Variants in FBLN1 observed in about 807,000 individuals in gnomAD.
The protein encoded by FBLN1 is fibulin 1.
FBLN1 carries 34 observed loss-of-function variants against 89.7 expected under a neutral mutation model. The ratio of observed to expected loss-of-function variants is 0.38; its 90% CI spans 0.29 to 0.50. The LOEUF is 0.50. Ranked by LOEUF, FBLN1 falls within the 20% of genes least tolerant of loss-of-function variation. The probability of loss-of-function intolerance (pLI) is 0.92; values close to 1 mark genes in which losing one functional copy is unlikely to be tolerated. For missense variants in FBLN1, 777 were observed against 988.1 expected, an observed-to-expected ratio of 0.79 and a Z score of 2.86; for synonymous variants, 393 against 391.3, an observed-to-expected ratio of 1.00 and a Z score of -0.05.
intron 2 of FBLN1, among the ~76,000 whole-genome samples, chr22:45,522,226 A>G (rs991417137): frequency 2.6e-5 from 4 of 152,134 alleles, no homozygotes; most frequent in Non-Finnish European, 5.9e-5. Flanking sequence ...GCTTCAAGTG[A>G]TTGGACGCCT....
In FBLN1 at chr22:45,591,067, G is replaced by A. The variant is rs545082341; in HGVS notation, c.1973-9240G>A. Among the ~76,000 whole-genome samples, 10 of 152,264 alleles carry A rather than the reference G, an allele frequency of 6.6e-5. No individual in the cohort carries two copies. The South Asian group carries it at 8.3e-4, about 13-fold the overall frequency. ...ACAAGTTCACTTCTCCTAAAAGGAG[G>A]TGCCTCAGACAGCAGATCCTTCCAG... On this transcript the variant is annotated intron_variant, in intron 16 of 16. Transcript: ENST00000327858.
intron 8 of FBLN1, among the ~76,000 whole-genome samples, chr22:45,539,878 G>A (rs1043533091): frequency 1.4e-4 from 21 of 152,202 alleles, no homozygotes; most frequent in Admixed American, 6.5e-5. Context: ...GGAACCTGCA[G>A]CGCCAGTGGG....
Position 45,550,760 on chromosome 22 carries a change from C to A in FBLN1, c.1697+145C>A, listed in dbSNP as rs2088691878. ...CACTCAAAGATCACCTGATCCCTGG[C>A]CCTCAAGCCCCTAAATGCTAGTGAC... On this transcript the variant is annotated intron_variant, in intron 14 of 16. Transcript: ENST00000327858. This position sits in a 1 kb window ranked among gnomAD's most constrained non-coding sequence, Gnocchi z 8.4. 1 of 1,155,180 alleles carries A rather than the reference C, an allele frequency of 8.7e-7. No individual in the cohort carries two copies. Among genetic ancestry groups the A allele is most frequent in the East Asian group, 2.4e-5 (1 of 42,418 alleles). The allele number at this position is 1,155,180 out of a possible 1,614,324, so 71.6% of individuals were successfully genotyped here.
chr22:45,525,202 A>C (rs2088308321), intron 2 of FBLN1, among the ~76,000 whole-genome samples: 1 of 96,562 alleles, frequency 1.0e-5, no homozygotes, highest in South Asian at 5.5e-4. Flanking sequence ...AGAGAAAGAG[A>C]GAAAGAAAGA....
chr22:45,515,054 T>C (rs927159994), intron 1 of FBLN1, among the ~76,000 whole-genome samples: 3 of 152,168 alleles, frequency 2.0e-5, no homozygotes, highest in Non-Finnish European at 2.9e-5. Flanking sequence ...TTAATTCCAT[T>C]TGGAGCCCAG....
intron 16 of FBLN1, among the ~76,000 whole-genome samples, chr22:45,589,105 A>G (rs1280766936): frequency 6.8e-6 from 1 of 146,560 alleles, no homozygotes; most frequent in Admixed American, 6.8e-5. Context: ...TAAAAAATAT[A>G]TAAAAATATT....
Position 45,531,208 on chromosome 22 carries a change from T to G in FBLN1, c.485-57T>G. On this transcript the variant is annotated intron_variant, in intron 4 of 16. Coordinates refer to ENST00000327858, the MANE Select transcript of FBLN1 (RefSeq NM_006486.3). This position sits in a 1 kb window ranked among gnomAD's most constrained non-coding sequence, Gnocchi z 4.9. Reference sequence around the variant, plus strand: ...AAGAAGAGAGAATGTTGGGAGTTTCTTTTAAGATAAGATGGGTGTTTGGAT... The same window carrying G: ...AAGAAGAGAGAATGTTGGGAGTTTCGTTTAAGATAAGATGGGTGTTTGGAT... 6.6e-7 allele frequency: 1 copy of G among 1,509,184 alleles called. No homozygotes were observed. Among genetic ancestry groups the G allele is most frequent in the South Asian group, 1.1e-5 (1 of 88,906 alleles). The allele number at this position is 1,509,184 out of a possible 1,614,324, so 93.5% of individuals were successfully genotyped here. A position where few individuals can be genotyped will look rare whatever the true frequency, so the allele number is the denominator to read the frequency against.
Position 45,576,837 on chromosome 22 carries a change from C to A in FBLN1, c.1841-140C>A. The A allele has an allele frequency of 1.0e-6, 1 of 979,284 alleles. No homozygotes were observed. The highest frequency in any genetic ancestry group is 1.6e-6 in the Non-Finnish European group (1 of 638,960). 60.7% of individuals were successfully genotyped at this position (979,284 alleles called of 1,614,324 possible). A position where few individuals can be genotyped will look rare whatever the true frequency, so the allele number is the denominator to read the frequency against. Reference sequence around the variant, plus strand: ...CCTCCACCCTCCCCACACAGGGGATCTCTGGCTTCATTGATGTTGTCTCAT... The same window carrying A: ...CCTCCACCCTCCCCACACAGGGGATATCTGGCTTCATTGATGTTGTCTCAT... On this transcript the variant is annotated intron_variant, in intron 15 of 16. Coordinates refer to ENST00000327858, the MANE Select transcript of FBLN1 (RefSeq NM_006486.3). The surrounding 1 kb of genome is among the most constrained non-coding windows in gnomAD (Gnocchi z 5.2).
intron 1 of FBLN1, among the ~76,000 whole-genome samples, chr22:45,509,246 C>T (rs2088066335): frequency 6.6e-6 from 1 of 152,172 alleles, no homozygotes; most frequent in African/African-American, 2.4e-5. Context: ...GGATGCCCCT[C>T]TGTGCACTGG....
At position 45,548,639 on chromosome 22, in the gene FBLN1, G is replaced by A. The variant is rs145539977; in HGVS notation, c.1468G>A (p.Gly490Arg). 2.6e-5 allele frequency: 42 copies of A among 1,613,534 alleles called. No homozygotes were observed. Among genetic ancestry groups the A allele is most frequent in the Admixed American group, 3.3e-5 (2 of 60,016 alleles). The change falls in exon 13 of 17, where the codon GGG becomes AGG. Residue 490 changes from glycine (G) to arginine (R), a missense_variant. Coordinates refer to ENST00000327858, the MANE Select transcript of FBLN1 (RefSeq NM_006486.3). ...EDIDECALPT[G>R]GHICSYRCIN... Reference sequence around the variant, plus strand: ...CATCGACGAGTGCGCCCTGCCCACCGGGGGCCACATCTGCTCCTACCGCTG... The same window carrying A: ...CATCGACGAGTGCGCCCTGCCCACCAGGGGCCACATCTGCTCCTACCGCTG...
At chr22:45,509,219 A>T (rs1375732190) in intron 1 of FBLN1, among the ~76,000 whole-genome samples, 18 of 152,102 alleles carry the variant, frequency 1.2e-4, no homozygotes, top group Non-Finnish European at 1.5e-5. Context: ...GCAGGGTGGG[A>T]TGTTGCAGAA....
intron 16 of FBLN1, among the ~76,000 whole-genome samples, chr22:45,589,316 C>T (rs943054150): frequency 2.0e-5 from 3 of 151,910 alleles, no homozygotes; most frequent in African/African-American, 2.4e-5. Flanking sequence ...CTTTCCCCAG[C>T]GACCTTGGGG....
In FBLN1 at chr22:45,575,710, T is replaced by C. The variant is rs1304059442; in HGVS notation, c.1840+1057T>C. Reference sequence around the variant, plus strand: ...GTCATGTTGTGTAACCTGCCATCACTGCACCGTTTCTCTGGAGCAGGGCCT... The same window carrying C: ...GTCATGTTGTGTAACCTGCCATCACCGCACCGTTTCTCTGGAGCAGGGCCT... On this transcript the variant is annotated intron_variant, in intron 15 of 16. Coordinates refer to ENST00000327858, the MANE Select transcript of FBLN1 (RefSeq NM_006486.3). The surrounding 1 kb of genome is among the most constrained non-coding windows in gnomAD (Gnocchi z 6.3). 6.6e-6 allele frequency among the ~76,000 whole-genome samples: 1 copy of C among 152,116 alleles called. No homozygotes were observed. Among genetic ancestry groups the C allele is most frequent in the Non-Finnish European group, 1.5e-5 (1 of 68,024 alleles).
rs1232027295 is a variant in FBLN1, at chr22:45,557,749, A to G, written c.1697+7134A>G. ...TTTGACCACTCAGAGAGGTCTATCC[A>G]CATACCTCTTCCCCAAATTTCATTG... On this transcript the variant is annotated intron_variant, in intron 14 of 16. Coordinates refer to ENST00000327858, the MANE Select transcript of FBLN1 (RefSeq NM_006486.3). This position sits in a 1 kb window ranked among gnomAD's most constrained non-coding sequence, Gnocchi z 4.9. 6.6e-6 allele frequency among the ~76,000 whole-genome samples: 1 copy of G among 152,212 alleles called. No homozygotes were observed. The highest frequency in any genetic ancestry group is 1.5e-5 in the Non-Finnish European group (1 of 68,032).
At chr22:45,539,150 C>T (rs1225723602) in intron 8 of FBLN1, among the ~76,000 whole-genome samples, 1 of 131,954 alleles carries the variant, frequency 7.6e-6, no homozygotes, top group Non-Finnish European at 1.6e-5. Flanking sequence ...TCCTCCCCCT[C>T]CTTCCCTTCC....
chr22:45,554,808 TG>T (rs2088757705), intron 14 of FBLN1, among the ~76,000 whole-genome samples: 1 of 152,196 alleles, frequency 6.6e-6, no homozygotes, highest in Non-Finnish European at 1.5e-5. Flanking sequence ...CAGAGTATGA[TG>T]GGCCAGGAGT....
At chr22:45,524,777 T>G (rs1602174188) in intron 2 of FBLN1, among the ~76,000 whole-genome samples, 1 of 152,084 alleles carries the variant, frequency 6.6e-6, no homozygotes, top group South Asian at 2.1e-4. Flanking sequence ...CATACTACAT[T>G]CTGTCTTTCT....
rs1367332946 is a variant in FBLN1 at position 45,531,801 on chromosome 22, A to G, written c.544+477A>G. On this transcript the variant is annotated intron_variant, in intron 5 of 16. Transcript: ENST00000327858. The surrounding 1 kb of genome is among the most constrained non-coding windows in gnomAD (Gnocchi z 4.9). Reference sequence around the variant, plus strand: ...GAGGGTGGCCCAGGCCCAGGGCCAGAGCTGGTGTGGAAAGCCTGCACGTTA... The same window carrying G: ...GAGGGTGGCCCAGGCCCAGGGCCAGGGCTGGTGTGGAAAGCCTGCACGTTA... Among the ~76,000 whole-genome samples the G allele has an allele frequency of 1.3e-5, 2 of 152,124 alleles. No individual in the cohort carries two copies. Among genetic ancestry groups the G allele is most frequent in the Non-Finnish European group, 2.9e-5 (2 of 68,026 alleles).
At position 45,545,976 on chromosome 22, in the gene FBLN1, T is replaced by C. The variant is rs1221192515; in HGVS notation, c.1322-1109T>C. 6.6e-6 allele frequency among the ~76,000 whole-genome samples: 1 copy of C among 151,974 alleles called. No homozygotes were observed. Among genetic ancestry groups the C allele is most frequent in the Non-Finnish European group, 1.5e-5 (1 of 68,002 alleles). ...CAGTATGGCCAACATCGTGAAACCC[T>C]GTGTCTACTAAAAATACAAAAATTA... On this transcript the variant is annotated intron_variant, in intron 11 of 16. Coordinates refer to ENST00000327858, the MANE Select transcript of FBLN1 (RefSeq NM_006486.3). The surrounding 1 kb of genome is among the most constrained non-coding windows in gnomAD (Gnocchi z 5.9).
Sources: gnomAD v4.1 joint callset for allele counts (sites outside exome capture counted in the v4.1 genomes callset) on GRCh38, gnomAD v4.1.1 for gene constraint, Gnocchi (gnomAD v3.1) non-coding constraint, MANE v1.5 for transcripts, NCBI Gene and HGNC (gene_info 2026-07-23, HGNC 2026-07-21) for gene names.